CFAP90: variants seen among roughly 807,000 people sequenced by gnomAD.
CFAP90 encodes the protein cilia- and flagella-associated protein 90.
chr5:7,848,350 T>C, the CFAP90 span, among the ~76,000 whole-genome samples: 1 of 152,066 alleles, frequency 6.6e-6, no homozygotes, highest in East Asian at 1.9e-4. Flanking sequence ...TCCTTGCATA[T>C]TGCTCAAAGC....
At chr5:7,840,030 T>G in the CFAP90 span, among the ~76,000 whole-genome samples, 45 of 152,182 alleles carry the variant, frequency 3.0e-4, 1 homozygote, top group African/African-American at 1.1e-3. Context: ...AAAAACCAGT[T>G]GGGATTTAGA....
At chr5:7,837,404 CTAGCTTA>C in the CFAP90 span, among the ~76,000 whole-genome samples, 2 of 152,276 alleles carry the variant, frequency 1.3e-5, no homozygotes, top group South Asian at 4.1e-4. Context: ...CATTAGGTCT[CTAGCTTA>C]TGCTTGGTTG....
chr5:7,835,932 T>TG, the CFAP90 span, among the ~76,000 whole-genome samples: 1 of 152,194 alleles, frequency 6.6e-6, no homozygotes, highest in African/African-American at 2.4e-5. Context: ...TCCTGGAGGC[T>TG]GCGAAGTCCA....
chr5:7,848,700 A>G, the CFAP90 span, among the ~76,000 whole-genome samples: 1 of 152,078 alleles, frequency 6.6e-6, no homozygotes, highest in Non-Finnish European at 1.5e-5. Context: ...CCTGGGAGGG[A>G]CCGTCTGGAG....
At chr5:7,850,961 G>T in the CFAP90 span, 2 of 1,328,102 alleles carry the variant, frequency 1.5e-6, no homozygotes, top group Non-Finnish European at 9.6e-7. Flanking sequence ...GCCGAGACGG[G>T]CGGCGGCCTG....
the CFAP90 span, among the ~76,000 whole-genome samples, chr5:7,839,759 T>G: frequency 1.6e-4 from 25 of 152,314 alleles, no homozygotes; most frequent in Middle Eastern, 6.8e-3. Flanking sequence ...TGTGGAGTGA[T>G]CAGAGTCTTA....
the CFAP90 span, among the ~76,000 whole-genome samples, chr5:7,850,091 G>A: frequency 3.4e-4 from 51 of 152,222 alleles, no homozygotes; most frequent in Middle Eastern, 3.4e-3. Flanking sequence ...GAGCATTCCC[G>A]CGACTCCCAG....
chr5:7,840,918 T>C, the CFAP90 span, among the ~76,000 whole-genome samples: 1 of 152,120 alleles, frequency 6.6e-6, no homozygotes, highest in Admixed American at 6.5e-5. Flanking sequence ...GAGAGAGGCC[T>C]GGAACAGAGC....
At chr5:7,845,539 G>T in the CFAP90 span, among the ~76,000 whole-genome samples, 2 of 152,140 alleles carry the variant, frequency 1.3e-5, no homozygotes, top group African/African-American at 4.8e-5. Context: ...TCTAAAACCA[G>T]TTATAATTGC....
chr5:7,849,241 A>G, the CFAP90 span, among the ~76,000 whole-genome samples: 16 of 152,242 alleles, frequency 1.1e-4, no homozygotes, highest in Non-Finnish European at 1.9e-4. Context: ...AGGCTGTCCA[A>G]GAGTGCTTAC....
the CFAP90 span, among the ~76,000 whole-genome samples, chr5:7,839,272 G>A: frequency 2.0e-5 from 3 of 152,122 alleles, no homozygotes; most frequent in Non-Finnish European, 2.9e-5. Flanking sequence ...TTTGGGTGGC[G>A]ACACAGCCAA....
the CFAP90 span, among the ~76,000 whole-genome samples, chr5:7,850,047 C>A: frequency 0.033 from 5,010 of 152,130 alleles, 249 homozygotes; most frequent in African/African-American, 0.11. Context: ...TAGTGGCTCC[C>A]GCTCCCTTCT....
At chr5:7,839,901 G>T in the CFAP90 span, among the ~76,000 whole-genome samples, 10 of 152,286 alleles carry the variant, frequency 6.6e-5, no homozygotes, top group African/African-American at 2.4e-4. Flanking sequence ...TTTGAAATGT[G>T]ACTATCCATT....
At chr5:7,836,098 C>T in the CFAP90 span, among the ~76,000 whole-genome samples, 2 of 152,278 alleles carry the variant, frequency 1.3e-5, no homozygotes, top group Non-Finnish European at 2.9e-5. Flanking sequence ...GAACTCTACC[C>T]TCAGGCCTAA....
chr5:7,849,720 G>T, the CFAP90 span, among the ~76,000 whole-genome samples: 4 of 152,130 alleles, frequency 2.6e-5, no homozygotes, highest in African/African-American at 9.7e-5. Context: ...GAAATGCACG[G>T]GCCGGTGTGG....
chr5:7,837,830 T>A, the CFAP90 span, among the ~76,000 whole-genome samples: 7 of 152,240 alleles, frequency 4.6e-5, no homozygotes. Flanking sequence ...GGCCAGCCAC[T>A]GCGGGATCCT....
At chr5:7,840,482 C>T in the CFAP90 span, among the ~76,000 whole-genome samples, 4 of 152,090 alleles carry the variant, frequency 2.6e-5, no homozygotes, top group Non-Finnish European at 5.9e-5. Context: ...AGTTATGAAC[C>T]ACAGAAAAAT....
chr5:7,844,813 G>A, the CFAP90 span, among the ~76,000 whole-genome samples: 1 of 152,098 alleles, frequency 6.6e-6, no homozygotes, highest in Non-Finnish European at 1.5e-5. Flanking sequence ...TGTGGTAAAG[G>A]TGCTTGGTTC....
chr5:7,834,570 T>G, the CFAP90 span, among the ~76,000 whole-genome samples: 5 of 152,146 alleles, frequency 3.3e-5, no homozygotes, highest in Non-Finnish European at 7.4e-5. Context: ...GCCTTCACAT[T>G]CACTCACCAC....
Sources: allele counts gnomAD v4.1 joint callset (sites outside exome capture counted in the v4.1 genomes callset), GRCh38; gene constraint gnomAD v4.1.1; transcripts MANE v1.5; gene names NCBI Gene and HGNC (gene_info 2026-07-23, HGNC 2026-07-21).